TAF4B: variants seen among roughly 807,000 people sequenced by gnomAD.
The protein encoded by TAF4B is TATA-box binding protein associated factor 4b.
Under a neutral mutation model 86.4 loss-of-function variants are expected in TAF4B, and 38 were observed. The observed-to-expected ratio is 0.44, with a 90% CI of 0.34 to 0.58. The LOEUF (loss-of-function observed/expected upper bound fraction) is 0.58. TAF4B is among the 20% of genes least tolerant of loss of function. TAF4B has a pLI of 0.02. For synonymous variants in TAF4B, 388 were observed against 391.2 expected (o/e 0.99, Z 0.10); for missense variants, 988 against 1,027.6 (o/e 0.96, Z 0.53).
intron 3 of TAF4B, among the ~76,000 whole-genome samples, chr18:26,271,647 G>A (rs2056320007): frequency 6.6e-6 from 1 of 152,192 alleles, no homozygotes; most frequent in African/African-American, 2.4e-5. Flanking sequence ...CTTTGGGCCA[G>A]GCATGGTGAG....
At chr18:26,289,306 G>A (rs1391111338) in intron 7 of TAF4B, among the ~76,000 whole-genome samples, 1 of 152,162 alleles carries the variant, frequency 6.6e-6, no homozygotes, top group East Asian at 1.9e-4. Flanking sequence ...CAGCTTATAA[G>A]AAATATGGCA....
intron 14 of TAF4B, 85 bp downstream of exon 14, chr18:26,357,879 G>GT: frequency 1.1e-5 from 10 of 923,996 alleles, no homozygotes; most frequent in Non-Finnish European, 1.6e-5. Context: ...AGTTTACCCT[G>GT]TTATGCACGC....
chr18:26,343,471 A>G (rs2057151881), intron 13 of TAF4B, among the ~76,000 whole-genome samples: 1 of 152,214 alleles, frequency 6.6e-6, no homozygotes, highest in South Asian at 2.1e-4. Flanking sequence ...GCAGATCCAA[A>G]TAACATTGCA....
At chr18:26,265,083 G>A (rs2056219542) in intron 1 of TAF4B, 87 bp from the exon 2 acceptor site, 5 of 1,381,222 alleles carry the variant, frequency 3.6e-6, no homozygotes, top group Non-Finnish European at 4.9e-6. Context: ...TTTTTAAAGT[G>A]TTGAAAGAAA....
intron 1 of TAF4B, among the ~76,000 whole-genome samples, chr18:26,263,772 G>A (rs927158077): frequency 6.6e-6 from 1 of 151,914 alleles, no homozygotes; most frequent in African/African-American, 2.4e-5. Flanking sequence ...CTGGAGTGTA[G>A]ATGCGATCAT....
chr18:26,230,026 A>G (rs1277846333), intron 1 of TAF4B, among the ~76,000 whole-genome samples: 2 of 152,044 alleles, frequency 1.3e-5, no homozygotes, highest in Admixed American at 1.3e-4. Flanking sequence ...AGGTTTTTCT[A>G]GGGAGCAGGA....
chr18:26,244,002 A>C (rs1215830492), intron 1 of TAF4B, among the ~76,000 whole-genome samples: 2 of 152,142 alleles, frequency 1.3e-5, no homozygotes, highest in Non-Finnish European at 2.9e-5. Flanking sequence ...CTACTGGGAG[A>C]TGCCTCCCAG....
rs60317870 is a variant in TAF4B at position 26,370,414 on chromosome 18, G to T, written c.2421+12620G>T. 2.0e-3 allele frequency among the ~76,000 whole-genome samples: 305 copies of T among 152,218 alleles called. 3 individuals carry two copies. The East Asian group carries it at 0.043, about 21-fold the overall frequency. The stretch of plus-strand genomic sequence containing the variant: ...ATATTAGCAGATTCCAATGAAACTG[G>T]GTATCTTGAACTCCTCAGTTCTATT... On this transcript the variant is annotated intron_variant, in intron 14 of 14. Coordinates refer to ENST00000269142, the MANE Select transcript of TAF4B (RefSeq NM_005640.3).
At chr18:26,365,773 C>A (rs994273624) in intron 14 of TAF4B, among the ~76,000 whole-genome samples, 4 of 152,032 alleles carry the variant, frequency 2.6e-5, no homozygotes, top group African/African-American at 4.8e-5. Context: ...TTTGACTGTA[C>A]CTGATAGAAT....
At chr18:26,274,541 C>A in intron 3 of TAF4B, 122 bp from the exon 4 acceptor site, 1 of 1,054,452 alleles carries the variant, frequency 9.5e-7, no homozygotes, top group Non-Finnish European at 1.4e-6. Context: ...TTGCCTTAGA[C>A]TACTAGAGCA....
chr18:26,275,048 C>T lies in TAF4B; in HGVS notation c.877C>T (p.Leu293Phe). 1 of 1,609,400 alleles carries T rather than the reference C, an allele frequency of 6.2e-7. No individual in the cohort carries two copies. The highest frequency in any genetic ancestry group is 8.5e-7 in the Non-Finnish European group (1 of 1,179,254). The stretch of plus-strand genomic sequence containing the variant: ...AAATGTGAAGAAGCTGGTGGAACAA[C>T]TTTTGGTAAGTAGTGCTATAAAATC... ...GQNVKKLVEQ[L>F]LDAKIEAEEF... The change falls in exon 5 of 15, where the codon CTT (leucine) becomes TTT (phenylalanine). Residue 293 changes from leucine to phenylalanine, a missense_variant. By Grantham distance (22) the Leu-to-Phe change is conservative. Around this residue, in one of 3 missense-constraint regions of TAF4B, gnomAD observed 747 missense variants for 737.9 expected, o/e 1.01. Transcript: ENST00000269142.
intron 1 of TAF4B, among the ~76,000 whole-genome samples, chr18:26,236,912 C>G (rs2055756892): frequency 6.6e-6 from 1 of 151,242 alleles, no homozygotes; most frequent in Non-Finnish European, 1.5e-5. Context: ...TCAATTAACC[C>G]TCAAGGGTGT....
chr18:26,326,180 C>T (rs1283065607), intron 11 of TAF4B, among the ~76,000 whole-genome samples: 1 of 152,184 alleles, frequency 6.6e-6, no homozygotes, highest in South Asian at 2.1e-4. Flanking sequence ...CCTCCTCCAA[C>T]CCTGTCCCCC....
intron 2 of TAF4B, among the ~76,000 whole-genome samples, chr18:26,265,712 C>T (rs1039335587): frequency 6.6e-6 from 1 of 152,156 alleles, no homozygotes; most frequent in African/African-American, 2.4e-5. Context: ...CAACTGCATA[C>T]CACCATGCCC....
chr18:26,291,416 A>G (rs1245465404), intron 7 of TAF4B, among the ~76,000 whole-genome samples: 1 of 151,936 alleles, frequency 6.6e-6, no homozygotes, highest in Non-Finnish European at 1.5e-5. Flanking sequence ...GCCCTGTGTG[A>G]TCCCCGCTGG....
chr18:26,381,558 C>T (rs1019955660), intron 14 of TAF4B, among the ~76,000 whole-genome samples: 1 of 151,852 alleles, frequency 6.6e-6, no homozygotes, highest in Non-Finnish European at 1.5e-5. Context: ...GAAACCCCAT[C>T]TCTACTAAAA....
intron 1 of TAF4B, among the ~76,000 whole-genome samples, chr18:26,239,173 C>T (rs2055796948): frequency 6.6e-6 from 1 of 152,212 alleles, no homozygotes; most frequent in African/African-American, 2.4e-5. Context: ...ACACTGTCTT[C>T]CACAATGGTT....
chr18:26,298,337 T>C (rs1401203860), intron 9 of TAF4B, among the ~76,000 whole-genome samples: 1 of 152,040 alleles, frequency 6.6e-6, no homozygotes, highest in African/African-American at 2.4e-5. Flanking sequence ...TATGCCATTC[T>C]GCTGCCTCAG....
chr18:26,284,121 A>G (rs1181300529), intron 6 of TAF4B, among the ~76,000 whole-genome samples: 5 of 151,940 alleles, frequency 3.3e-5, no homozygotes, highest in Non-Finnish European at 7.4e-5. Flanking sequence ...CAGTACTTGC[A>G]GCTTTACCTT....
Sources: gnomAD v4.1 joint callset for allele counts (sites outside exome capture counted in the v4.1 genomes callset) on GRCh38, gnomAD v4.1.1 for gene constraint, gnomAD v4.1.1 regional missense constraint, MANE v1.5 for transcripts, NCBI Gene and HGNC (gene_info 2026-07-23, HGNC 2026-07-21) for gene names.